Variants in TNS3 observed in about 807,000 individuals in gnomAD.
The protein encoded by TNS3 is tensin 3.
A neutral mutation model predicts 140.9 loss-of-function variants in TNS3; 45 were observed. That is an observed-to-expected ratio of 0.32 (90% CI 0.25 to 0.41). The LOEUF is 0.41. Among genes scored for constraint, TNS3 ranks in the 10% least tolerant of loss-of-function variants. TNS3 has a pLI of 1.00. For synonymous variants in TNS3, 815 were observed against 788.4 expected (o/e 1.03, Z -0.56); for missense variants, 1,716 against 1,906.7 (o/e 0.90, Z 1.86).
chr7:47,302,921 C>A, intron 22 of TNS3, 29 bp downstream of exon 22: 1 of 1,566,982 alleles, frequency 6.4e-7, no homozygotes. Context: ...GACAGAGGGG[C>A]CCTTCCAACC....
At chr7:47,441,950 G>A (rs1415439000) in intron 5 of TNS3, 53 bp downstream of exon 5, 1 of 1,233,602 alleles carries the variant, frequency 8.1e-7, no homozygotes, top group Middle Eastern at 2.2e-4. Context: ...CCTCTGTAGA[G>A]AGCTGACCTA....
At position 47,382,102 on chromosome 7, in the gene TNS3, C is replaced by A. The variant is rs532401545; in HGVS notation, c.1025-12481G>T. Among the ~76,000 whole-genome samples the A allele has an allele frequency of 1.4e-4, 21 of 152,266 alleles. No homozygotes were observed. The East Asian group carries it at 4.1e-3, about 29-fold the overall frequency. On this transcript the variant is annotated intron_variant, in intron 16 of 30. Transcript: ENST00000311160. Reference sequence around the variant, plus strand: ...ATCTTAAAATCAGACCACTGCATCACAAAACTGTGCAAGAAAAGCAACGGC... The same window carrying A: ...ATCTTAAAATCAGACCACTGCATCAAAAAACTGTGCAAGAAAAGCAACGGC...
intron 11 of TNS3, 91 bp from the exon 12 acceptor site, chr7:47,414,088 A>G: frequency 7.4e-7 from 1 of 1,346,664 alleles, no homozygotes; most frequent in Non-Finnish European, 1.1e-6. Context: ...CGACGAGGAG[A>G]CCAGGAGACT....
chr7:47,576,322 G>A (rs1800674680), intron 1 of TNS3, among the ~76,000 whole-genome samples: 1 of 152,164 alleles, frequency 6.6e-6, no homozygotes, highest in Non-Finnish European at 1.5e-5. Context: ...CCACCCCTGA[G>A]CTCCGGAACC....
chr7:47,502,181 C>T (rs1159000554), intron 3 of TNS3, among the ~76,000 whole-genome samples: 1 of 152,154 alleles, frequency 6.6e-6, no homozygotes, highest in African/African-American at 2.4e-5. Flanking sequence ...GTTGTTTCAC[C>T]TCCCTGGGGT....
chr7:47,396,808 T>A lies in TNS3; in HGVS notation c.1016A>T (p.Asp339Val), dbSNP rs201907786. 6.2e-6 allele frequency: 10 copies of A among 1,613,690 alleles called. No homozygotes were observed. Among genetic ancestry groups the A allele is most frequent in the Non-Finnish European group, 8.5e-6 (10 of 1,179,674 alleles). ...AAGATGAACACACGCACCTTCTCCA[T>A]CTGCACTGAGGTTCTCGTACGAGTC... ...RWDSYENLSA[D>V]GEVLHTQGPV... The change falls in exon 16 of 31, where the codon GAT (aspartate) becomes GTT (valine). Residue 339 changes from aspartate (D) to valine (V), a missense_variant. This residue lies in a region of TNS3 where 1,163 missense variants were observed against 1,182.1 expected (regional missense o/e 0.98). Transcript: ENST00000311160.
intron 1 of TNS3, among the ~76,000 whole-genome samples, chr7:47,552,405 T>C (rs751953674): frequency 6.6e-6 from 1 of 152,228 alleles, no homozygotes; most frequent in Non-Finnish European, 1.5e-5. Flanking sequence ...TATTGAACTT[T>C]GCAGATACTC....
intron 8 of TNS3, among the ~76,000 whole-genome samples, chr7:47,430,725 T>C (rs1584641980): frequency 7.3e-6 from 1 of 137,864 alleles, no homozygotes; most frequent in South Asian, 2.4e-4. Flanking sequence ...TCAGTATTTT[T>C]TCTTTTTTTT....
chr7:47,372,140 G>A (rs1791109431), intron 16 of TNS3, among the ~76,000 whole-genome samples: 1 of 152,228 alleles, frequency 6.6e-6, no homozygotes, highest in Non-Finnish European at 1.5e-5. Flanking sequence ...TGCTCCGTGA[G>A]AATGACAGAA....
At chr7:47,475,210 C>A (rs901494061) in intron 4 of TNS3, among the ~76,000 whole-genome samples, 4 of 152,268 alleles carry the variant, frequency 2.6e-5, no homozygotes, top group African/African-American at 9.6e-5. Context: ...GCTCCAGCCT[C>A]AGGCTGAAAT....
In TNS3 at chr7:47,293,787, C is replaced by A; in HGVS notation, c.3718G>T (p.Glu1240Ter). 1 of 1,614,124 alleles carries A rather than the reference C, an allele frequency of 6.2e-7. No homozygotes were observed. Residue 1240 changes from glutamate to a stop codon, truncating the protein, a stop_gained, in exon 25 of 31, where the codon GAG becomes TAG. Coordinates refer to ENST00000311160, the MANE Select transcript of TNS3 (RefSeq NM_022748.12). LOFTEE classifies it high-confidence loss of function. The part of the protein sequence containing the change: ...ANELVRHFLI[E>*]CTPKGVRLKG... ...AACCGCACTCCCTTCGGGGTACACT[C>A]GATCAAAAAGTGCCGGACGAGTTCA... is the stretch of plus-strand genomic sequence containing the variant.
rs775361277 is a variant in TNS3 at position 47,368,377 on chromosome 7, T to C, written c.2269A>G (p.Thr757Ala). Residue 757 changes from threonine to alanine, a missense_variant, in exon 17 of 31, where the codon ACC becomes GCC. By Grantham distance (58) the Thr-to-Ala change is moderately conservative (BLOSUM62 0). This residue lies in a region of TNS3 where 1,163 missense variants were observed against 1,182.1 expected (regional missense o/e 0.98). Coordinates refer to ENST00000311160, the MANE Select transcript of TNS3 (RefSeq NM_022748.12). Reference protein sequence around the residue: ...PDTGEGPSRATGRQGSSAEQP... With the variant: ...PDTGEGPSRAAGRQGSSAEQP... The stretch of plus-strand genomic sequence containing the variant: ...AGACCCAGCTCACCTTGCCGCCCGG[T>C]GGCCCTGCTGGGGCCCTCTCCTGTG... The C allele has an allele frequency of 6.7e-7, 1 of 1,487,122 alleles. No individual in the cohort carries two copies. Among genetic ancestry groups the C allele is most frequent in the East Asian group, 2.4e-5 (1 of 42,070 alleles). 92.1% of individuals were successfully genotyped at this position (1,487,122 alleles called of 1,614,324 possible). A position where few individuals can be genotyped will look rare whatever the true frequency, so the allele number is the denominator to read the frequency against.
intron 16 of TNS3, among the ~76,000 whole-genome samples, chr7:47,377,710 C>CCCTCCTCCCTTTCCTCATCCTTCT: frequency 8.8e-6 from 1 of 113,984 alleles, no homozygotes; most frequent in Non-Finnish European, 1.9e-5. Context: ...CTCTTTTTCC[C>CCCTCCTCCCTTTCCTCATCCTTCT]CCTCCTCCCT....
intron 20 of TNS3, among the ~76,000 whole-genome samples, chr7:47,335,610 G>A (rs955675783): frequency 5.9e-5 from 9 of 152,088 alleles, no homozygotes; most frequent in Non-Finnish European, 8.8e-5. Context: ...TCCGTCCCCC[G>A]ACTCATGCTC....
At chr7:47,333,665 G>T (rs1788465642) in intron 20 of TNS3, among the ~76,000 whole-genome samples, 1 of 152,146 alleles carries the variant, frequency 6.6e-6, no homozygotes, top group Admixed American at 6.5e-5. Context: ...TAAAAGCATT[G>T]TATCTGTCAA....
intron 2 of TNS3, among the ~76,000 whole-genome samples, chr7:47,524,589 T>A (rs1799110562): frequency 6.7e-6 from 1 of 148,738 alleles, no homozygotes; most frequent in African/African-American, 2.5e-5. Context: ...GATCATGAGG[T>A]CAGGAGATCG....
At chr7:47,464,270 G>T (rs1188381083) in intron 4 of TNS3, among the ~76,000 whole-genome samples, 1 of 152,190 alleles carries the variant, frequency 6.6e-6, no homozygotes, top group Non-Finnish European at 1.5e-5. Flanking sequence ...CAAACACACT[G>T]AGGACTCTGG....
At chr7:47,392,452 C>T (rs1792580171) in intron 16 of TNS3, among the ~76,000 whole-genome samples, 1 of 152,132 alleles carries the variant, frequency 6.6e-6, no homozygotes, top group Non-Finnish European at 1.5e-5. Flanking sequence ...CTTAAGTCAA[C>T]ATTTTTGGGG....
At chr7:47,402,223 C>A (rs921342191) in intron 13 of TNS3, among the ~76,000 whole-genome samples, 1 of 152,090 alleles carries the variant, frequency 6.6e-6, no homozygotes, top group Non-Finnish European at 1.5e-5. Context: ...AGGAAAGGGA[C>A]GGGTAAATAA....
Sources: allele counts gnomAD v4.1 joint callset (sites outside exome capture counted in the v4.1 genomes callset), GRCh38; gene constraint gnomAD v4.1.1; regional missense constraint gnomAD v4.1.1; transcripts MANE v1.5; gene names NCBI Gene and HGNC (gene_info 2026-07-23, HGNC 2026-07-21).